The following NR3C2 variants were observed in gnomAD, a reference collection of about 807,000 sequenced individuals.
The protein encoded by NR3C2 is nuclear receptor subfamily 3 group C member 2, also known as mineralocorticoid receptor.
Under a neutral mutation model 86.4 loss-of-function variants are expected in NR3C2, and 15 were observed. That is an observed-to-expected ratio of 0.17 (90% CI 0.12 to 0.27). The LOEUF is 0.27. Ranked by LOEUF, NR3C2 falls within the 10% of genes least tolerant of loss-of-function variation. The probability of loss-of-function intolerance (pLI) is 1.00; values close to 1 mark genes in which losing one functional copy is unlikely to be tolerated. For synonymous variants in NR3C2, 458 were observed against 450.5 expected, an observed-to-expected ratio of 1.02 and a Z score of -0.21; for missense variants, 960 against 1,195.6, an observed-to-expected ratio of 0.80 and a Z score of 2.91.
At chr4:148,430,054 T>TA (rs535858933) in intron 2 of NR3C2, among the ~76,000 whole-genome samples, 111 of 152,278 alleles carry the variant, frequency 7.3e-4, no homozygotes, top group African/African-American at 2.5e-3. Flanking sequence ...CATCTGCTAT[T>TA]ACTGTAACAT....
chr4:148,154,445 G>C, intron 5 of NR3C2, 106 bp downstream of exon 5: 1 of 1,018,342 alleles, frequency 9.8e-7, no homozygotes, highest in East Asian at 2.4e-5. Flanking sequence ...CTGATATCAG[G>C]ATTTCATAGA....
intron 7 of NR3C2, among the ~76,000 whole-genome samples, chr4:148,115,360 T>C (rs76914559): frequency 0.035 from 5,333 of 152,290 alleles, 325 homozygotes; most frequent in African/African-American, 0.12. Flanking sequence ...GTTCCACTTA[T>C]AGCCAATAGT....
intron 6 of NR3C2, among the ~76,000 whole-genome samples, chr4:148,149,601 C>G (rs937723147): frequency 7.2e-5 from 11 of 152,102 alleles, no homozygotes; most frequent in African/African-American, 2.7e-4. Context: ...AGGACACTTT[C>G]AATAGAGTAA....
rs1731897420 is a variant in NR3C2 at position 148,108,329 on chromosome 4, C to G, written c.2799+5775G>C. ...TGTTGGCTGGGCTGGTCTCTAACTC[C>G]TCACCTCAAGTGATCTGCCCACCTC... is the stretch of plus-strand genomic sequence containing the variant. On this transcript the variant is annotated intron_variant, in intron 8 of 8. Coordinates refer to ENST00000358102, the MANE Select transcript of NR3C2 (RefSeq NM_000901.5). Among the ~76,000 whole-genome samples the G allele has an allele frequency of 2.0e-5, 3 of 152,214 alleles. No individual in the cohort carries two copies. The South Asian group carries it at 6.2e-4, about 32-fold the overall frequency.
chr4:148,340,399 A>G (rs973919679), intron 2 of NR3C2, among the ~76,000 whole-genome samples: 7 of 152,286 alleles, frequency 4.6e-5, no homozygotes, highest in South Asian at 4.1e-4. Flanking sequence ...CAGTCTCCTT[A>G]ATAAACAGTG....
At chr4:148,345,071 A>T (rs1292859460) in intron 2 of NR3C2, among the ~76,000 whole-genome samples, 1 of 152,108 alleles carries the variant, frequency 6.6e-6, no homozygotes, top group Non-Finnish European at 1.5e-5. Context: ...CAAAATCTCA[A>T]TTTGCTTTGC....
intron 4 of NR3C2, among the ~76,000 whole-genome samples, chr4:148,185,098 C>T (rs1735831131): frequency 1.3e-5 from 2 of 152,262 alleles, no homozygotes; most frequent in South Asian, 4.1e-4. Flanking sequence ...AACTAACACA[C>T]ACTCAGTAAT....
At chr4:148,304,264 T>C (rs186740205) in intron 2 of NR3C2, among the ~76,000 whole-genome samples, 2 of 151,950 alleles carry the variant, frequency 1.3e-5, no homozygotes, top group African/African-American at 2.4e-5. Flanking sequence ...TGGCTAAGGA[T>C]TGAGTTCAGG....
chr4:148,321,899 G>A (rs1743619578), intron 2 of NR3C2, among the ~76,000 whole-genome samples: 1 of 152,124 alleles, frequency 6.6e-6, no homozygotes, highest in Admixed American at 6.5e-5. Context: ...ATATTGTTAT[G>A]TGTGAATTTG....
chr4:148,380,550 A>G (rs1429913010), intron 2 of NR3C2, among the ~76,000 whole-genome samples: 1 of 152,196 alleles, frequency 6.6e-6, no homozygotes, highest in Middle Eastern at 3.2e-3. Context: ...TGTCCATTTT[A>G]CATTCCCACC....
At chr4:148,292,307 T>C (rs1741834712) in intron 2 of NR3C2, among the ~76,000 whole-genome samples, 1 of 152,074 alleles carries the variant, frequency 6.6e-6, no homozygotes, top group Non-Finnish European at 1.5e-5. Flanking sequence ...GTAAGAAATA[T>C]TCTGGTTCTA....
At chr4:148,188,928 T>G (rs1027962801) in intron 4 of NR3C2, among the ~76,000 whole-genome samples, 29 of 102,068 alleles carry the variant, frequency 2.8e-4, no homozygotes, top group Middle Eastern at 5.0e-3. Context: ...TTTTGCTGAG[T>G]TTTTTTTTTT....
At chr4:148,105,571 C>A (rs527408031) in intron 8 of NR3C2, among the ~76,000 whole-genome samples, 105 of 152,052 alleles carry the variant, frequency 6.9e-4, no homozygotes, top group African/African-American at 2.4e-3. Context: ...AGAGACACAA[C>A]AAAAAAAGAA....
At chr4:148,339,547 T>C (rs992762084) in intron 2 of NR3C2, among the ~76,000 whole-genome samples, 1 of 152,176 alleles carries the variant, frequency 6.6e-6, no homozygotes, top group Non-Finnish European at 1.5e-5. Flanking sequence ...TTAAGAGAAT[T>C]TGGCATATTA....
chr4:148,317,962 T>C (rs964481761), intron 2 of NR3C2, among the ~76,000 whole-genome samples: 6 of 151,290 alleles, frequency 4.0e-5, no homozygotes, highest in Non-Finnish European at 1.5e-5. Context: ...GCCATGCTGG[T>C]GCGCTGCACC....
intron 2 of NR3C2, among the ~76,000 whole-genome samples, chr4:148,354,426 G>T (rs534562764): frequency 2.4e-4 from 36 of 152,130 alleles, no homozygotes; most frequent in Non-Finnish European, 4.3e-4. Flanking sequence ...ATGGTGCCGG[G>T]TTGTCAGTGT....
At chr4:148,149,709 A>G (rs1052397286) in intron 6 of NR3C2, among the ~76,000 whole-genome samples, 14 of 152,230 alleles carry the variant, frequency 9.2e-5, no homozygotes, top group African/African-American at 2.7e-4. Flanking sequence ...ACTCAAGTAC[A>G]AAAAGACATA....
rs556964110 is a variant in NR3C2, at chr4:148,135,996, G to T, written c.2511-15708C>A. ...GGCGTGAACCCGGGAGGCGGAGCTT[G>T]CAGTGAGCCGAGATCCCGCCACTGC... On this transcript the variant is annotated intron_variant, in intron 6 of 8. Transcript: ENST00000358102. Among the ~76,000 whole-genome samples the T allele has an allele frequency of 3.2e-3, 373 of 116,114 alleles. 4 individuals carry two copies. Among genetic ancestry groups the T allele is most frequent in the African/African-American group, 0.011 (360 of 31,634 alleles). 76.2% of individuals were successfully genotyped at this position (116,114 alleles called of 152,430 possible).
At position 148,201,606 on chromosome 4, in the gene NR3C2, A is replaced by G. The variant is rs114518986; in HGVS notation, c.1898-6744T>C. 7.8e-3 allele frequency among the ~76,000 whole-genome samples: 1,192 copies of G among 152,212 alleles called. 11 individuals carry two copies. Among genetic ancestry groups the G allele is most frequent in the African/African-American group, 0.027 (1,110 of 41,504 alleles). ...ACCATTGCTACAGACATCCTCAACT[A>G]TAGACAGTAGTCAGCATGCACCATC... On this transcript the variant is annotated intron_variant, in intron 3 of 8. Transcript: ENST00000358102.
Sources: allele counts gnomAD v4.1 joint callset (sites outside exome capture counted in the v4.1 genomes callset), GRCh38; gene constraint gnomAD v4.1.1; transcripts MANE v1.5; gene names NCBI Gene and HGNC (gene_info 2026-07-23, HGNC 2026-07-21).